The following HHIP variants were observed in gnomAD, a reference collection of about 807,000 sequenced individuals.
HHIP encodes hedgehog interacting protein.
A neutral mutation model predicts 74.0 loss-of-function variants in HHIP; 12 were observed. The observed-to-expected ratio is 0.16, with a 90% CI of 0.10 to 0.26. HHIP has a LOEUF of 0.26. Among genes scored for constraint, HHIP ranks in the 10% least tolerant of loss-of-function variants. HHIP has a pLI of 1.00. For missense variants in HHIP, 788 were observed against 845.0 expected (o/e 0.93, Z 0.84); for synonymous variants, 309 against 311.6 (o/e 0.99, Z 0.09).
intron 11 of HHIP, 108 bp from the exon 12 acceptor site, chr4:144,734,633 C>A (rs1297923279): frequency 1.4e-5 from 11 of 758,854 alleles, no homozygotes; most frequent in Middle Eastern, 4.6e-4. Context: ...AAAAAAAAGT[C>A]TCTCTAGAAA....
intron 4 of HHIP, among the ~76,000 whole-genome samples, chr4:144,679,225 G>C (rs776254163): frequency 6.6e-6 from 1 of 151,842 alleles, no homozygotes; most frequent in African/African-American, 2.4e-5. Context: ...TTTTGATGGG[G>C]CTGTTTTTTT....
chr4:144,676,229 C>G (rs919158846), intron 4 of HHIP, among the ~76,000 whole-genome samples: 2 of 152,104 alleles, frequency 1.3e-5, no homozygotes, highest in African/African-American at 4.8e-5. Flanking sequence ...CCTTTTCCCC[C>G]ACTCTAAATT....
intron 4 of HHIP, among the ~76,000 whole-genome samples, chr4:144,693,816 A>G (rs1240401449): frequency 6.6e-6 from 1 of 151,990 alleles, no homozygotes; most frequent in Non-Finnish European, 1.5e-5. Context: ...ATAATTTAAT[A>G]CTAAAGATGC....
chr4:144,688,164 A>C (rs779632494), intron 4 of HHIP, among the ~76,000 whole-genome samples: 6 of 152,138 alleles, frequency 3.9e-5, no homozygotes, highest in Non-Finnish European at 8.8e-5. Context: ...TTCTGTGAAC[A>C]TTGCATAATA....
chr4:144,671,885 G>A (rs1484869777), intron 4 of HHIP, among the ~76,000 whole-genome samples: 1 of 152,118 alleles, frequency 6.6e-6, no homozygotes, highest in African/African-American at 2.4e-5. Flanking sequence ...TTGGGAAGCT[G>A]AGGCAGGAGA....
intron 11 of HHIP, among the ~76,000 whole-genome samples, chr4:144,720,381 G>A (rs541900519): frequency 1.4e-4 from 22 of 152,242 alleles, no homozygotes; most frequent in African/African-American, 5.3e-4. Context: ...TTGTTATTCT[G>A]TTATACTGTC....
chr4:144,737,112 T>C (rs1731141558), intron 12 of HHIP, among the ~76,000 whole-genome samples: 1 of 152,234 alleles, frequency 6.6e-6, no homozygotes, highest in Non-Finnish European at 1.5e-5. Context: ...CTTTAATGAA[T>C]AAATTCTGTG....
chr4:144,650,835 G>C (rs755825824), intron 1 of HHIP: 5 of 152,060 alleles, frequency 3.3e-5, no homozygotes, highest in Non-Finnish European at 5.9e-5. Context: ...AATTGTAAAA[G>C]ACAAAATTCC....
At chr4:144,651,503 G>T (rs1402349330) in intron 1 of HHIP, among the ~76,000 whole-genome samples, 1 of 151,940 alleles carries the variant, frequency 6.6e-6, no homozygotes, top group African/African-American at 2.4e-5. Flanking sequence ...TGGAATATTT[G>T]TTTAAAACAG....
At chr4:144,694,323 A>G (rs1447524054) in intron 4 of HHIP, among the ~76,000 whole-genome samples, 2 of 151,566 alleles carry the variant, frequency 1.3e-5, no homozygotes, top group African/African-American at 4.9e-5. Context: ...TTGGTGGTCT[A>G]AACTATTGGG....
intron 11 of HHIP, among the ~76,000 whole-genome samples, chr4:144,724,708 A>G (rs546350824): frequency 5.4e-5 from 8 of 147,248 alleles, no homozygotes; most frequent in Admixed American, 2.7e-4. Context: ...GTATATATAT[A>G]TGTATGTATG....
intron 4 of HHIP, among the ~76,000 whole-genome samples, chr4:144,660,482 G>A (rs887727979): frequency 2.0e-5 from 3 of 151,902 alleles, no homozygotes; most frequent in South Asian, 2.1e-4. Context: ...AAATTATGAC[G>A]TTCTAAAATT....
intron 4 of HHIP, among the ~76,000 whole-genome samples, chr4:144,678,977 C>A (rs1393685030): frequency 1.3e-5 from 2 of 152,166 alleles, no homozygotes; most frequent in African/African-American, 4.8e-5. Context: ...AATGGTTGAA[C>A]TAATTTACAC....
chr4:144,686,554 T>C (rs1474488845), intron 4 of HHIP, among the ~76,000 whole-genome samples: 3 of 152,080 alleles, frequency 2.0e-5, no homozygotes, highest in Admixed American at 6.6e-5. Context: ...ATTAGAAATA[T>C]TAATAGTAAA....
At chr4:144,681,776 C>T (rs543508339) in intron 4 of HHIP, among the ~76,000 whole-genome samples, 1 of 152,340 alleles carries the variant, frequency 6.6e-6, no homozygotes, top group Non-Finnish European at 1.5e-5. Flanking sequence ...TCTCATTTAT[C>T]TGGCAATCAG....
intron 4 of HHIP, among the ~76,000 whole-genome samples, chr4:144,664,010 T>C (rs566242803): frequency 6.6e-6 from 1 of 152,310 alleles, no homozygotes; most frequent in African/African-American, 2.4e-5. Context: ...GCAAACACCA[T>C]TCTCCGCCAC....
chr4:144,667,999 AATTATT>A (rs550245759), intron 4 of HHIP, among the ~76,000 whole-genome samples: 2 of 151,752 alleles, frequency 1.3e-5, no homozygotes, highest in African/African-American at 4.8e-5. Flanking sequence ...TTTCTCAAGA[AATTATT>A]ATTATTATTA....
chr4:144,697,273 T>C (rs1729845898), intron 4 of HHIP, among the ~76,000 whole-genome samples: 2 of 152,170 alleles, frequency 1.3e-5, no homozygotes, highest in Admixed American at 6.6e-5. Flanking sequence ...CTCTAAAAAA[T>C]TGTTTATTGC....
intron 10 of HHIP, 144 bp from the exon 11 acceptor site, chr4:144,718,731 G>A (rs1730541155): frequency 1.5e-6 from 1 of 665,050 alleles, no homozygotes; most frequent in Admixed American, 2.7e-5. Flanking sequence ...AGGCAGACAT[G>A]TGAGACTCTT....
Sources: allele counts gnomAD v4.1 joint callset (sites outside exome capture counted in the v4.1 genomes callset), GRCh38; gene constraint gnomAD v4.1.1; transcripts MANE v1.5; gene names NCBI Gene and HGNC (gene_info 2026-07-23, HGNC 2026-07-21).